Variants in TEX11 observed in about 807,000 individuals in gnomAD.
TEX11 encodes testis-expressed protein 11.
Under a neutral mutation model 84.4 loss-of-function variants are expected in TEX11, and 7 were observed. That is an observed-to-expected ratio of 0.08 (90% CI 0.05 to 0.16). The LOEUF is 0.16. TEX11 is among the 10% of genes least tolerant of loss of function. The pLI, the probability that TEX11 is intolerant of heterozygous loss-of-function variation, is 1.00. For synonymous variants in TEX11, 264 were observed against 222.8 expected (o/e 1.18, Z -1.64); for missense variants, 551 against 660.5 (o/e 0.83, Z 1.82).
intron 11 of TEX11, among the ~76,000 whole-genome samples, chrX:70,733,094 G>A (rs1225588129): frequency 8.9e-6 from 1 of 111,911 alleles, no homozygotes; most frequent in Non-Finnish European, 1.9e-5. Context: ...AAACTGGCTA[G>A]CCATATGTAG....
chrX:70,771,364 C>T (rs1311510243), intron 9 of TEX11, among the ~76,000 whole-genome samples: 1 of 112,141 alleles, frequency 8.9e-6, no homozygotes, highest in Non-Finnish European at 1.9e-5. Context: ...AGAACATCTT[C>T]AGGGTTTTAT....
chrX:70,778,452 AAACAAC>A (rs1222446943), intron 9 of TEX11, among the ~76,000 whole-genome samples: 3 of 111,090 alleles, frequency 2.7e-5, no homozygotes, highest in African/African-American at 9.8e-5. Context: ...TAAAACAAAC[AAACAAC>A]AACAACAACA....
At chrX:70,709,912 C>A (rs1157984051) in intron 13 of TEX11, among the ~76,000 whole-genome samples, 1 of 111,089 alleles carries the variant, frequency 9.0e-6, no homozygotes, top group Non-Finnish European at 1.9e-5. Flanking sequence ...GCTCTCCTCT[C>A]TTCTTCATTT....
intron 28 of TEX11, among the ~76,000 whole-genome samples, chrX:70,543,712 C>T (rs927628024): frequency 8.9e-6 from 1 of 112,315 alleles, no homozygotes; most frequent in East Asian, 2.8e-4. Context: ...CAGATTGTCA[C>T]CCTGCTATAA....
intron 4 of TEX11, among the ~76,000 whole-genome samples, chrX:70,868,265 A>T (rs1417774932): frequency 1.8e-5 from 2 of 112,249 alleles, no homozygotes; most frequent in African/African-American, 6.5e-5. Flanking sequence ...GGCCAAAAAA[A>T]CATATTAAAA....
At chrX:70,800,731 C>A (rs774619882) in intron 9 of TEX11, among the ~76,000 whole-genome samples, 1 of 93,374 alleles carries the variant, frequency 1.1e-5, no homozygotes, top group African/African-American at 3.9e-5. Flanking sequence ...CTCACTCTGT[C>A]ACCAAGGCTG....
chrX:70,807,843 C>T (rs935532339), intron 8 of TEX11, among the ~76,000 whole-genome samples: 10 of 110,732 alleles, frequency 9.0e-5, no homozygotes, highest in African/African-American at 3.3e-4. Context: ...GTGGCTCACA[C>T]CTGTAATCCG....
rs768047263 is a variant in TEX11 at position 70,822,530 on chromosome X, G to A, written c.606+10983C>T. 2.0e-3 allele frequency among the ~76,000 whole-genome samples: 220 copies of A among 110,632 alleles called. 1 individual carries two copies. Among genetic ancestry groups the A allele is most frequent in the African/African-American group, 6.4e-3 (196 of 30,414 alleles). ...CACACACACAGGATATTGTATATACGTATATATATGTATGTATCTATATAC... is the reference window on the plus strand; with the variant it reads ...CACACACACAGGATATTGTATATACATATATATATGTATGTATCTATATAC... On this transcript the variant is annotated intron_variant, in intron 8 of 29. Transcript: ENST00000374333.
intron 7 of TEX11, among the ~76,000 whole-genome samples, chrX:70,837,045 A>G (rs1479760937): frequency 9.1e-6 from 1 of 110,425 alleles, no homozygotes; most frequent in Non-Finnish European, 1.9e-5. Context: ...AAAACAAAAC[A>G]CAGAATGTAA....
Position 70,880,083 on chromosome X carries a change from C to T in TEX11, c.64G>A (p.Asp22Asn). 12 of 1,182,688 alleles carry T rather than the reference C, an allele frequency of 1.0e-5. No homozygotes were observed. The highest frequency in any genetic ancestry group is 1.4e-5 in the Non-Finnish European group (12 of 876,504). The stretch of plus-strand genomic sequence containing the variant: ...GCCTCTGGTATGTTAGGTGAATTAT[C>T]ATTTGTAACCAGGTTTTCAACAACT... ...KEVVENLVTN[D>N]NSPNIPEAID... is the part of the protein sequence containing the mutation. The change falls in exon 3 of 30, where the codon GAT becomes AAT. Residue 22 changes from aspartate (D) to asparagine (N), a missense_variant. Coordinates refer to ENST00000374333, the MANE Select transcript of TEX11 (RefSeq NM_031276.3).
chrX:70,739,964 A>G (rs1178936862), intron 11 of TEX11, among the ~76,000 whole-genome samples: 6 of 111,638 alleles, frequency 5.4e-5, no homozygotes, highest in Non-Finnish European at 9.4e-5. Flanking sequence ...CTTTGTATTC[A>G]TGTTTTTAGG....
intron 29 of TEX11, 50 bp downstream of exon 29, chrX:70,529,785 C>A (rs781165007): frequency 8.8e-7 from 1 of 1,141,319 alleles, no homozygotes; most frequent in East Asian, 3.2e-5. Context: ...CCAGCCATAA[C>A]CTCTTGCCCC....
chrX:70,640,838 AG>A lies in TEX11; in HGVS notation c.1483+10611del, dbSNP rs1296428688. On this transcript the variant is annotated intron_variant, in intron 17 of 29. Transcript: ENST00000374333. ...TCATGCCAAAATGTAAAGACCATCGAGACTAGGAAGAAACTGCATCAACTAA... is the reference window on the plus strand; with the variant it reads ...TCATGCCAAAATGTAAAGACCATCGAACTAGGAAGAAACTGCATCAACTAA... Among the ~76,000 whole-genome samples the A allele has an allele frequency of 2.7e-5, 3 of 111,065 alleles. No individual in the cohort carries two copies. In the Admixed American group the frequency reaches 2.9e-4, roughly 11 times the overall value.
chrX:70,553,423 A>G lies in TEX11; in HGVS notation c.2291-9T>C. The G allele has an allele frequency of 6.1e-6, 7 of 1,144,202 alleles. No homozygotes were observed. Among genetic ancestry groups the G allele is most frequent in the Non-Finnish European group, 8.3e-6 (7 of 843,767 alleles). 94.3% of individuals were successfully genotyped at this position (1,144,202 alleles called of 1,213,427 possible). A position where few individuals can be genotyped will look rare whatever the true frequency, so the allele number is the denominator to read the frequency against. Reference sequence around the variant, plus strand: ...CTTTTCCATTGCTATTACTAGAGTAAGAAAAGGAAAAAGGTTGTGAACATG... The same window carrying G: ...CTTTTCCATTGCTATTACTAGAGTAGGAAAAGGAAAAAGGTTGTGAACATG... On this transcript the variant is annotated splice_polypyrimidine_tract_variant and intron_variant, in intron 26 of 29. Coordinates refer to ENST00000374333, the MANE Select transcript of TEX11 (RefSeq NM_031276.3).
intron 25 of TEX11, among the ~76,000 whole-genome samples, chrX:70,565,328 G>A (rs1367411988): frequency 1.9e-5 from 2 of 107,536 alleles, no homozygotes; most frequent in East Asian, 2.9e-4. Context: ...AGTAGGTTGT[G>A]AAAATTTTCT....
intron 22 of TEX11, among the ~76,000 whole-genome samples, chrX:70,608,748 A>C (rs1209700516): frequency 9.1e-6 from 1 of 109,321 alleles, no homozygotes; most frequent in Non-Finnish European, 1.9e-5. Context: ...CTCAAAAAAA[A>C]AAAAAAAAAA....
chrX:70,864,657 A>C (rs2091588601), intron 4 of TEX11, among the ~76,000 whole-genome samples: 1 of 104,118 alleles, frequency 9.6e-6, no homozygotes. Flanking sequence ...CAGAAGAATC[A>C]CTCAAACCCG....
At chrX:70,896,609 G>T (rs891233908) in intron 2 of TEX11, among the ~76,000 whole-genome samples, 1 of 111,261 alleles carries the variant, frequency 9.0e-6, no homozygotes, top group Non-Finnish European at 1.9e-5. Flanking sequence ...GCGAAGACTT[G>T]GAACCAACCC....
chrX:70,730,182 C>T lies in TEX11; in HGVS notation c.844-4839G>A, dbSNP rs188052177. ...AGCACTAAACATGGAAAGGAACAAC[C>T]GGTACAAGACACTGCAAAAACATGC... is the stretch of plus-strand genomic sequence containing the variant. On this transcript the variant is annotated intron_variant, in intron 11 of 29. Coordinates refer to ENST00000374333, the MANE Select transcript of TEX11 (RefSeq NM_031276.3). Among the ~76,000 whole-genome samples, 580 of 111,860 alleles carry T rather than the reference C, an allele frequency of 5.2e-3. 3 individuals carry two copies. The highest frequency in any genetic ancestry group is 0.018 in the African/African-American group (540 of 30,807).
Sources: gnomAD v4.1 joint callset for allele counts (sites outside exome capture counted in the v4.1 genomes callset) on GRCh38, gnomAD v4.1.1 for gene constraint, MANE v1.5 for transcripts, NCBI Gene and HGNC (gene_info 2026-07-23, HGNC 2026-07-21) for gene names.